The following LINGO2 variants were observed in gnomAD, a reference collection of about 807,000 sequenced individuals.
LINGO2 encodes leucine rich repeat and Ig domain containing 2, also known as leucine-rich repeat and immunoglobulin-like domain-containing nogo receptor-interacting protein 2.
Under a neutral mutation model 30.6 loss-of-function variants are expected in LINGO2, and 14 were observed. The observed-to-expected ratio is 0.46, with a 90% confidence interval of 0.30 to 0.72. LINGO2 has a LOEUF of 0.72. LINGO2 is among the 30% of genes least tolerant of loss of function. LINGO2 has a pLI of 0.07. For missense variants in LINGO2, 729 were observed against 751.7 expected (o/e 0.97, Z 0.35); for synonymous variants, 317 against 288.5 (o/e 1.10, Z -1.00).
At chr9:28,612,660 C>A (rs565217167) in intron 1 of LINGO2, among the ~76,000 whole-genome samples, 4 of 152,232 alleles carry the variant, frequency 2.6e-5, no homozygotes, top group African/African-American at 7.2e-5. Flanking sequence ...TTGTATCTAG[C>A]AAATACCGGA....
rs557915747 is a variant in LINGO2 at position 28,134,010 on chromosome 9, T to TA, written c.-86-121606dup. On this transcript the variant is annotated intron_variant, in intron 4 of 5. Coordinates refer to ENST00000379992, the Ensembl canonical transcript of LINGO2. ...CATCATCTACCCTATTCTCCAAATC[T>TA]AAACATATAGTATCCTTCCTGAATT... Among the ~76,000 whole-genome samples, 504 of 152,342 alleles carry TA rather than the reference T, an allele frequency of 3.3e-3. 4 individuals are homozygous for TA. The highest frequency in any genetic ancestry group is 0.011 in the African/African-American group (478 of 41,586).
At chr9:28,590,498 GA>G (rs773747641) in intron 1 of LINGO2, among the ~76,000 whole-genome samples, 6 of 152,090 alleles carry the variant, frequency 3.9e-5, no homozygotes, top group Middle Eastern at 3.4e-3. Context: ...GTGGGCGAAG[GA>G]TATGAACAGA....
chr9:28,949,633 A>G, the LINGO2 span, among the ~76,000 whole-genome samples: 1 of 152,152 alleles, frequency 6.6e-6, no homozygotes, highest in African/African-American at 2.4e-5. Context: ...CTATCAACCA[A>G]AAAAAGCCCA....
At chr9:28,373,525 GT>G (rs1264476627) in intron 2 of LINGO2, among the ~76,000 whole-genome samples, 2 of 151,884 alleles carry the variant, frequency 1.3e-5, no homozygotes, top group Non-Finnish European at 1.5e-5. Flanking sequence ...CCCAAACGAT[GT>G]TTTTTTTAGT....
At chr9:28,472,925 T>G (rs892979744) in intron 2 of LINGO2, among the ~76,000 whole-genome samples, 15 of 152,204 alleles carry the variant, frequency 9.9e-5, no homozygotes, top group African/African-American at 3.6e-4. Context: ...CTCTGTGTTT[T>G]TTATTTCTGA....
chr9:28,592,484 C>T (rs1388288756), intron 1 of LINGO2, among the ~76,000 whole-genome samples: 1 of 152,084 alleles, frequency 6.6e-6, no homozygotes, highest in Non-Finnish European at 1.5e-5. Context: ...AGTTTGCTTT[C>T]AAGCTTTGTG....
chr9:28,590,221 A>G (rs888169736), intron 1 of LINGO2, among the ~76,000 whole-genome samples: 2 of 152,098 alleles, frequency 1.3e-5, no homozygotes, highest in Admixed American at 6.6e-5. Flanking sequence ...AACCTAGGCA[A>G]TACCATTCAG....
intron 1 of LINGO2, among the ~76,000 whole-genome samples, chr9:28,477,077 A>C (rs1825758026): frequency 1.3e-5 from 2 of 152,192 alleles, no homozygotes; most frequent in South Asian, 4.1e-4. Context: ...CTATTCTAGG[A>C]TCATTTGCAC....
chr9:28,622,029 A>G (rs1451615800), intron 1 of LINGO2, among the ~76,000 whole-genome samples: 1 of 151,952 alleles, frequency 6.6e-6, no homozygotes. Context: ...TTAATTTTTA[A>G]TTTTTGTCGG....
chr9:28,279,711 A>C (rs1057344242), intron 4 of LINGO2, among the ~76,000 whole-genome samples: 20 of 152,124 alleles, frequency 1.3e-4, no homozygotes, highest in Admixed American at 5.2e-4. Flanking sequence ...GTGGTCTGGA[A>C]CCAAATCCTC....
At position 28,172,036 on chromosome 9, in the gene LINGO2, A is replaced by AAC. The variant is rs1554682061; in HGVS notation, c.-87+123171_-87+123172insGT. Among the ~76,000 whole-genome samples the AAC allele has an allele frequency of 7.0e-4, 79 of 113,364 alleles. 1 individual carries two copies. Among genetic ancestry groups the AAC allele is most frequent in the African/African-American group, 2.3e-3 (74 of 32,016 alleles). The allele number at this position is 113,364 out of a possible 152,430, so 74.4% of individuals were successfully genotyped here. A position where few individuals can be genotyped will look rare whatever the true frequency, so the allele number is the denominator to read the frequency against. On this transcript the variant is annotated intron_variant, in intron 4 of 5. Coordinates refer to ENST00000379992, the Ensembl canonical transcript of LINGO2. ...CGTCTCAAAAAAAAAAAAAAAAACAAAAAAAAAAACCCAGCATCTCCTACC... is the reference window on the plus strand; with the variant it reads ...CGTCTCAAAAAAAAAAAAAAAAACAAACAAAAAAAAACCCAGCATCTCCTACC...
At chr9:29,009,338 T>C in the LINGO2 span, among the ~76,000 whole-genome samples, 4 of 152,168 alleles carry the variant, frequency 2.6e-5, no homozygotes, top group Non-Finnish European at 5.9e-5. Flanking sequence ...CAGCAAAGTC[T>C]CAGGATAAAA....
the LINGO2 span, among the ~76,000 whole-genome samples, chr9:29,124,916 T>C: frequency 2.0e-5 from 3 of 152,318 alleles, no homozygotes; most frequent in Non-Finnish European, 4.4e-5. Context: ...ACTGGGTATA[T>C]ACCCAAATGA....
At chr9:28,296,519 A>G (rs1250223957) in intron 3 of LINGO2, among the ~76,000 whole-genome samples, 1 of 152,146 alleles carries the variant, frequency 6.6e-6, no homozygotes, top group Non-Finnish European at 1.5e-5. Flanking sequence ...ATAAATCCTC[A>G]TGCACCTGTG....
chr9:27,943,573 G>A (rs1272767476), downstream of LINGO2: 1 of 150,870 alleles, frequency 6.6e-6, no homozygotes, highest in African/African-American at 2.4e-5. Context: ...TTATGTGAAT[G>A]GTAAGTCTTA....
At chr9:28,479,911 GTATATA>G (rs58972403) in intron 1 of LINGO2, among the ~76,000 whole-genome samples, 3,560 of 49,576 alleles carry the variant, frequency 0.072, 236 homozygotes, top group Non-Finnish European at 0.083. Flanking sequence ...ATATACGTAG[GTATATA>G]TATATATATA....
intron 2 of LINGO2, among the ~76,000 whole-genome samples, chr9:28,416,945 G>A (rs990830751): frequency 6.6e-6 from 1 of 151,906 alleles, no homozygotes; most frequent in Non-Finnish European, 1.5e-5. Context: ...GAAATACATG[G>A]GTACACATAT....
At chr9:28,034,557 G>T (rs185013961) in intron 4 of LINGO2, among the ~76,000 whole-genome samples, 1 of 152,208 alleles carries the variant, frequency 6.6e-6, no homozygotes, top group East Asian at 1.9e-4. Flanking sequence ...GATATTTGAA[G>T]GATAGGGCTT....
At chr9:28,218,011 C>T (rs1009936705) in intron 4 of LINGO2, among the ~76,000 whole-genome samples, 2 of 151,322 alleles carry the variant, frequency 1.3e-5, no homozygotes, top group African/African-American at 4.8e-5. Context: ...ATAGATTAAA[C>T]ATAAAGTCTA....
Sources: gnomAD v4.1 joint callset for allele counts (sites outside exome capture counted in the v4.1 genomes callset) on GRCh38, gnomAD v4.1.1 for gene constraint, MANE v1.5 for transcripts, NCBI Gene and HGNC (gene_info 2026-07-23, HGNC 2026-07-21) for gene names.